Variants in NDRG3 observed in about 807,000 individuals in gnomAD.
NDRG3 encodes NDRG family member 3, also known as protein NDRG3.
A neutral mutation model predicts 57.2 loss-of-function variants in NDRG3; 23 were observed. That is an observed-to-expected ratio of 0.40 (90% CI 0.29 to 0.57). NDRG3 has a LOEUF of 0.57. Among genes scored for constraint, NDRG3 ranks in the 20% least tolerant of loss-of-function variants. The pLI is 0.42. For missense variants in NDRG3, 384 were observed against 457.3 expected, an observed-to-expected ratio of 0.84 and a Z score of 1.46; for synonymous variants, 132 against 162.6, an observed-to-expected ratio of 0.81 and a Z score of 1.43.
chr20:36,708,661 A>G (rs1217236019), intron 2 of NDRG3, among the ~76,000 whole-genome samples: 21 of 151,636 alleles, frequency 1.4e-4, no homozygotes, highest in Admixed American at 7.9e-4. Context: ...AAAAAAAAAA[A>G]AAAAAGAAAA....
chr20:36,739,941 C>T (rs1282694472), intron 1 of NDRG3, among the ~76,000 whole-genome samples: 2 of 148,818 alleles, frequency 1.3e-5, no homozygotes, highest in East Asian at 3.9e-4. Context: ...AACCGTAAAC[C>T]TTACAATAGA....
intron 7 of NDRG3, 118 bp downstream of exon 7, chr20:36,682,400 A>T (rs1981380623): frequency 2.7e-6 from 2 of 753,548 alleles, no homozygotes; most frequent in Non-Finnish European, 4.4e-6. Context: ...AAGCTGACAG[A>T]AGTTACAGAA....
At chr20:36,726,844 T>A (rs1361418467) in intron 1 of NDRG3, among the ~76,000 whole-genome samples, 1 of 152,016 alleles carries the variant, frequency 6.6e-6, no homozygotes, top group Non-Finnish European at 1.5e-5. Flanking sequence ...ACCTACTCTG[T>A]CAGGAATTAT....
At chr20:36,672,824 G>A (rs1384656901) in intron 8 of NDRG3, among the ~76,000 whole-genome samples, 1 of 147,306 alleles carries the variant, frequency 6.8e-6, no homozygotes, top group Admixed American at 6.7e-5. Flanking sequence ...GCAAGATTCC[G>A]TCTCAAAAAA....
rs112383218 is a variant in NDRG3 at position 36,743,012 on chromosome 20, A to T, written c.-49+3033T>A. On this transcript the variant is annotated intron_variant, in intron 1 of 15. Coordinates refer to ENST00000349004, the MANE Select transcript of NDRG3 (RefSeq NM_032013.4). ...GATTACTTTGATACAACCAGGGGCA[A>T]TCAGCCACAGAGGGCAAAAGAATGT... is the stretch of plus-strand genomic sequence containing the variant. Among the ~76,000 whole-genome samples the T allele has an allele frequency of 4.6e-3, 699 of 152,348 alleles. 8 individuals are homozygous for T. The highest frequency in any genetic ancestry group is 0.016 in the African/African-American group (664 of 41,574).
intron 1 of NDRG3, among the ~76,000 whole-genome samples, chr20:36,739,737 C>T (rs1185479367): frequency 6.6e-6 from 1 of 151,380 alleles, no homozygotes; most frequent in Admixed American, 6.6e-5. Flanking sequence ...GGTGAAACCC[C>T]GTCTCTACTA....
At chr20:36,700,672 CA>C (rs1983165415) in intron 3 of NDRG3, 1 of 327,636 alleles carries the variant, frequency 3.1e-6, no homozygotes, top group Admixed American at 4.4e-5. Flanking sequence ...TGTGACTACA[CA>C]ATGAGCCTGT....
intron 2 of NDRG3, among the ~76,000 whole-genome samples, chr20:36,707,498 A>T (rs1228592138): frequency 1.3e-5 from 2 of 152,194 alleles, no homozygotes; most frequent in African/African-American, 4.8e-5. Context: ...AAAGCCTTGA[A>T]ATCTAACAGA....
intron 3 of NDRG3, 129 bp from the exon 4 acceptor site, chr20:36,688,913 G>C: frequency 4.3e-6 from 3 of 696,900 alleles, no homozygotes; most frequent in Non-Finnish European, 5.1e-6. Context: ...ATTACATGTG[G>C]CTGGGCGTGG....
intron 2 of NDRG3, among the ~76,000 whole-genome samples, chr20:36,711,772 C>T (rs774269446): frequency 6.6e-6 from 1 of 152,096 alleles, no homozygotes; most frequent in Non-Finnish European, 1.5e-5. Context: ...GACTATTTAG[C>T]ACTTGTTTTC....
Position 36,656,516 on chromosome 20 carries a change from C to T in NDRG3, c.875G>A (p.Gly292Glu). 1 of 1,614,076 alleles carries T rather than the reference C, an allele frequency of 6.2e-7. No homozygotes were observed. Among genetic ancestry groups the T allele is most frequent in the Non-Finnish European group, 8.5e-7 (1 of 1,179,954 alleles). ...TTLLKMADCG[G>E]LPQVVQPGKL... ...CCTTACCTGAACTACCTGGGGCAGT[C>T]CCCCACAGTCCGCCATCTAGAAAAG... The change falls in exon 14 of 16, where the codon GGA becomes GAA. Residue 292 changes from glycine (G) to glutamate (E), a missense_variant. Physicochemically the swap from Gly to Glu is moderately conservative, Grantham distance 98 (BLOSUM62 -2). Coordinates refer to ENST00000349004, the MANE Select transcript of NDRG3 (RefSeq NM_032013.4).
At chr20:36,727,518 CCTTT>C (rs1191002073) in intron 1 of NDRG3, among the ~76,000 whole-genome samples, 10 of 151,912 alleles carry the variant, frequency 6.6e-5, no homozygotes, top group East Asian at 1.9e-4. Context: ...CCGCACCCAG[CCTTT>C]CTTTCTTTCT....
At chr20:36,711,187 C>T (rs929589633) in intron 2 of NDRG3, among the ~76,000 whole-genome samples, 1 of 145,166 alleles carries the variant, frequency 6.9e-6, no homozygotes, top group African/African-American at 2.6e-5. Context: ...GAGGCTGAGG[C>T]AGAATGGTGT....
At position 36,746,073 on chromosome 20, in the gene NDRG3, A is replaced by G; in HGVS notation, c.-77T>C. 3.3e-6 allele frequency: 1 copy of G among 304,604 alleles called. No individual in the cohort carries two copies. The highest frequency in any genetic ancestry group is 5.6e-6 in the Non-Finnish European group (1 of 178,716). 18.9% of individuals were successfully genotyped at this position (304,604 alleles called of 1,614,324 possible). A position where few individuals can be genotyped will look rare whatever the true frequency, so the allele number is the denominator to read the frequency against. ...AGGCGCGGGCACCCGCCGTCAGTGC[A>G]GCAGCAGCGGCGGCGGCGGCGGCGG... On this transcript the variant is annotated 5_prime_UTR_variant, in exon 1 of 16. Coordinates refer to ENST00000349004, the MANE Select transcript of NDRG3 (RefSeq NM_032013.4).
At chr20:36,671,271 T>C in intron 9 of NDRG3, 70 bp downstream of exon 9, 3 of 1,303,738 alleles carry the variant, frequency 2.3e-6, no homozygotes, top group Non-Finnish European at 3.3e-6. Context: ...AGCCCTTCTT[T>C]CCTAAGGTAA....
chr20:36,667,402 G>C (rs1394942913), intron 9 of NDRG3, among the ~76,000 whole-genome samples: 1 of 152,024 alleles, frequency 6.6e-6, no homozygotes, highest in African/African-American at 2.4e-5. Context: ...CAGCCTCCTG[G>C]GGAGCTGAGA....
At chr20:36,655,819 AATAAC>A (rs1224781357) in intron 15 of NDRG3, among the ~76,000 whole-genome samples, 9 of 152,120 alleles carry the variant, frequency 5.9e-5, no homozygotes, top group African/African-American at 2.2e-4. Context: ...AATTGGCACT[AATAAC>A]AGAATGACTT....
rs1201319236 is a variant in NDRG3, at chr20:36,712,559, C to CTATATATA, written c.58-5560_58-5553dup. ...TACTGGCATGTGCCACCATGCCCGG[C>CTATATATA]TATATATATATATATATATATATAT... On this transcript the variant is annotated intron_variant, in intron 2 of 15. Coordinates refer to ENST00000349004, the MANE Select transcript of NDRG3 (RefSeq NM_032013.4). Among the ~76,000 whole-genome samples, 76 of 20,736 alleles carry CTATATATA rather than the reference C, an allele frequency of 3.7e-3. 3 individuals carry two copies. The highest frequency in any genetic ancestry group is 6.6e-3 in the East Asian group (3 of 452). 13.6% of individuals were successfully genotyped at this position (20,736 alleles called of 152,430 possible).
chr20:36,696,761 G>A (rs971947366), intron 3 of NDRG3, among the ~76,000 whole-genome samples: 1 of 152,184 alleles, frequency 6.6e-6, no homozygotes, highest in African/African-American at 2.4e-5. Context: ...AAAGTGCTGG[G>A]ATTACAGGCG....
Sources: gnomAD v4.1 joint callset for allele counts (sites outside exome capture counted in the v4.1 genomes callset) on GRCh38, gnomAD v4.1.1 for gene constraint, MANE v1.5 for transcripts, NCBI Gene and HGNC (gene_info 2026-07-23, HGNC 2026-07-21) for gene names.